The following DGKZ variants were observed in gnomAD, a reference collection of about 807,000 sequenced individuals.
DGKZ encodes the protein DAG kinase zeta.
A neutral mutation model predicts 142.5 loss-of-function variants in DGKZ; 45 were observed. That is an observed-to-expected ratio of 0.32 (90% CI 0.25 to 0.40). The LOEUF is 0.40. DGKZ is among the 10% of genes least tolerant of loss of function. The pLI is 1.00. For synonymous variants in DGKZ, 442 were observed against 527.0 expected (o/e 0.84, Z 2.21); for missense variants, 755 against 1,306.5 (o/e 0.58, Z 6.51).
chr11:46,342,455 C>T (rs1229991242), intron 1 of DGKZ, among the ~76,000 whole-genome samples: 1 of 152,236 alleles, frequency 6.6e-6, no homozygotes, highest in Non-Finnish European at 1.5e-5. Context: ...AGATGGAAAA[C>T]AAGCCCAGCC....
At chr11:46,345,733 C>A, upstream of DGKZ, 1 of 796,350 alleles carries the variant, frequency 1.3e-6, no homozygotes, top group Non-Finnish European at 1.9e-6. This position sits in a 1 kb window ranked among gnomAD's most constrained non-coding sequence, Gnocchi z 4.1. Flanking sequence ...GAGTTATTGG[C>A]AGGGTGCAGG....
At chr11:46,366,228 T>C (rs1198025236) in intron 1 of DGKZ, 3 of 1,544,186 alleles carry the variant, frequency 1.9e-6, no homozygotes, top group Non-Finnish European at 2.6e-6. Context: ...ATGCTCCCGG[T>C]CTCTGTGCCC....
chr11:46,360,641 C>T (rs1942541667), intron 1 of DGKZ, among the ~76,000 whole-genome samples: 1 of 152,108 alleles, frequency 6.6e-6, no homozygotes, highest in South Asian at 2.1e-4. Flanking sequence ...CAAAAATTAG[C>T]TGGGCATGGT....
At chr11:46,341,982 G>A (rs1033110483) in intron 1 of DGKZ, among the ~76,000 whole-genome samples, 26 of 152,196 alleles carry the variant, frequency 1.7e-4, no homozygotes, top group Admixed American at 1.0e-3. Flanking sequence ...CTGGCTGGGC[G>A]GGTTTTGACA....
chr11:46,358,126 T>C (rs1942248087), intron 1 of DGKZ, among the ~76,000 whole-genome samples: 1 of 151,900 alleles, frequency 6.6e-6, no homozygotes, highest in Non-Finnish European at 1.5e-5. Context: ...GGTTCCTGCC[T>C]TTTTTTTGCT....
chr11:46,347,122 G>A (rs1940706900), upstream of DGKZ, among the ~76,000 whole-genome samples: 1 of 152,170 alleles, frequency 6.6e-6, no homozygotes, highest in Non-Finnish European at 1.5e-5. The surrounding 1 kb of genome is among the most constrained non-coding windows in gnomAD (Gnocchi z 6.4). Context: ...GGGAGGTGGT[G>A]ACAGCAGCCC....
At chr11:46,378,331 C>A (rs928807747) in intron 26 of DGKZ, 102 bp downstream of exon 26, 1 of 1,539,460 alleles carries the variant, frequency 6.5e-7, no homozygotes. Flanking sequence ...ACAAACACAG[C>A]CTTTGAGCTT....
chr11:46,379,210 A>G (rs748327190), exon 29 of DGKZ: 8 of 1,612,722 alleles, frequency 5.0e-6, no homozygotes. Context: ...CAGCCCCCCC[A>G]GAGATCCTTG....
rs550149408 is a variant in DGKZ at position 46,374,502 on chromosome 11, G to A, written c.1461+48G>A. On this transcript the variant is annotated intron_variant, in intron 16 of 30. Coordinates refer to ENST00000527911, the Ensembl canonical transcript of DGKZ. ...CCTGTGCCCACCTCTTCTACCACCC[G>A]TGCCCGTGCCCACCTGTGTCCACCA... is the stretch of plus-strand genomic sequence containing the variant. 108 of 1,613,268 alleles carry A rather than the reference G, an allele frequency of 6.7e-5. 2 individuals are homozygous for A. The South Asian group carries it at 1.2e-3, about 17-fold the overall frequency.
chr11:46,350,309 T>C (rs1003938082), intron 1 of DGKZ, among the ~76,000 whole-genome samples: 3 of 152,196 alleles, frequency 2.0e-5, no homozygotes, highest in Non-Finnish European at 4.4e-5. Flanking sequence ...ATAGTACACC[T>C]GCTCTGGGTT....
At chr11:46,366,441 G>GTT (rs1943265020) in intron 1 of DGKZ, 1 of 1,550,348 alleles carries the variant, frequency 6.5e-7, no homozygotes, top group African/African-American at 1.4e-5. Context: ...TGCCTCCTGA[G>GTT]TTGCGGGGTG....
At chr11:46,354,964 A>G (rs572665414) in intron 1 of DGKZ, among the ~76,000 whole-genome samples, 7 of 152,276 alleles carry the variant, frequency 4.6e-5, no homozygotes, top group South Asian at 2.1e-4. Flanking sequence ...GGTGGTGTGC[A>G]GTTTTTCGCT....
At chr11:46,369,979 C>A in exon 6 of DGKZ, 4 of 1,613,878 alleles carry the variant, frequency 2.5e-6, no homozygotes, top group Non-Finnish European at 3.4e-6. Context: ...ACAGACGACG[C>A]CAGGACGGCA....
chr11:46,380,143 T>C lies in DGKZ; in HGVS notation c.*196T>C, dbSNP rs533793333. On this transcript the variant is annotated 3_prime_UTR_variant, in exon 31 of 31. Transcript: ENST00000527911. Reference sequence around the variant, plus strand: ...GCTGGGGGGGCCTCACCTGTTCCCCTGAGGACCCCGCCGGACCCGGAGGCT... The same window carrying C: ...GCTGGGGGGGCCTCACCTGTTCCCCCGAGGACCCCGCCGGACCCGGAGGCT... 342 of 574,520 alleles carry C rather than the reference T, an allele frequency of 6.0e-4. 2 individuals are homozygous for C. In the South Asian group the frequency reaches 7.4e-3, roughly 13 times the overall value. 35.6% of individuals were successfully genotyped at this position (574,520 alleles called of 1,614,324 possible).
At chr11:46,350,425 T>A (rs1440567633) in intron 1 of DGKZ, among the ~76,000 whole-genome samples, 1 of 152,040 alleles carries the variant, frequency 6.6e-6, no homozygotes, top group Non-Finnish European at 1.5e-5. Flanking sequence ...CTTCATCTTA[T>A]CCCAGCTCCA....
Position 46,371,170 on chromosome 11 carries a change from T to C in DGKZ, c.571-143T>C, listed in dbSNP as rs941372030. 9.1e-5 allele frequency: 65 copies of C among 717,414 alleles called. No individual in the cohort carries two copies. The African/African-American group carries it at 1.1e-3, about 12-fold the overall frequency. The allele number at this position is 717,414 out of a possible 1,614,324, so 44.4% of individuals were successfully genotyped here. A position where few individuals can be genotyped will look rare whatever the true frequency, so the allele number is the denominator to read the frequency against. On this transcript the variant is annotated intron_variant, in intron 6 of 30. Coordinates refer to ENST00000527911, the Ensembl canonical transcript of DGKZ. ...AGTTACTTGGGGGGGCTGAGGCAGA[T>C]TGCTTAAGCCCAGGAGTTTGAGACC...
At chr11:46,363,364 A>G (rs1370077239) in intron 1 of DGKZ, among the ~76,000 whole-genome samples, 1 of 152,220 alleles carries the variant, frequency 6.6e-6, no homozygotes, top group African/African-American at 2.4e-5. Flanking sequence ...CCACTCTGAC[A>G]GCCTCCCCAG....
At chr11:46,347,460 G>C (rs1940766438), upstream of DGKZ, 6 of 982,388 alleles carry the variant, frequency 6.1e-6, no homozygotes, top group African/African-American at 1.8e-5. This position sits in a 1 kb window ranked among gnomAD's most constrained non-coding sequence, Gnocchi z 6.4. Context: ...GGCCGCGGCT[G>C]GCGGCACTTC....
At chr11:46,341,090 G>A (rs1241502385) in intron 1 of DGKZ, among the ~76,000 whole-genome samples, 1 of 152,236 alleles carries the variant, frequency 6.6e-6, no homozygotes, top group Non-Finnish European at 1.5e-5. Flanking sequence ...GGAGGTTGCA[G>A]TGAGCTGAGA....
Sources: gnomAD v4.1 joint callset for allele counts (sites outside exome capture counted in the v4.1 genomes callset) on GRCh38, gnomAD v4.1.1 for gene constraint, Gnocchi (gnomAD v3.1) non-coding constraint, MANE v1.5 for transcripts, NCBI Gene and HGNC (gene_info 2026-07-23, HGNC 2026-07-21) for gene names.